ANKS1B: variants seen among roughly 807,000 people sequenced by gnomAD.
ANKS1B encodes the protein ankyrin repeat and sterile alpha motif domain-containing protein 1B.
ANKS1B carries 36 observed loss-of-function variants against 148.3 expected under a neutral mutation model. The observed-to-expected ratio is 0.24, with a 90% CI of 0.19 to 0.32. The LOEUF (loss-of-function observed/expected upper bound fraction) is 0.32. Among genes scored for constraint, ANKS1B ranks in the 10% least tolerant of loss-of-function variants. ANKS1B has a pLI of 1.00. For missense variants in ANKS1B, 1,157 were observed against 1,542.6 expected, an observed-to-expected ratio of 0.75 and a Z score of 4.19; for synonymous variants, 542 against 560.8, an observed-to-expected ratio of 0.97 and a Z score of 0.47.
rs183609717 is a variant in ANKS1B, at chr12:99,540,103, A to G, written c.1273-35462T>C. On this transcript the variant is annotated intron_variant, in intron 9 of 26. Transcript: ENST00000683438. ...TTTTATAAAGATAAAACAGTCAGTC[A>G]GGAAGACACAACAAGCATAAACATA... Among the ~76,000 whole-genome samples the G allele has an allele frequency of 9.2e-5, 14 of 152,332 alleles. No homozygotes were observed. The East Asian group carries it at 2.3e-3, about 25-fold the overall frequency.
chr12:99,089,889 T>C (rs182753278), intron 15 of ANKS1B, among the ~76,000 whole-genome samples: 10 of 152,178 alleles, frequency 6.6e-5, no homozygotes, highest in African/African-American at 2.2e-4. Flanking sequence ...AATCAATAAA[T>C]AAAGTTGTTT....
intron 8 of ANKS1B, among the ~76,000 whole-genome samples, chr12:99,711,892 C>G (rs1386605307): frequency 6.6e-6 from 1 of 152,140 alleles, no homozygotes; most frequent in Non-Finnish European, 1.5e-5. Context: ...AAGACATGCA[C>G]ACATGTGTTC....
At chr12:99,447,612 G>A (rs1321351244) in intron 10 of ANKS1B, among the ~76,000 whole-genome samples, 1 of 152,014 alleles carries the variant, frequency 6.6e-6, no homozygotes, top group African/African-American at 2.4e-5. Flanking sequence ...ATGGGATTAT[G>A]TCAAACTAAA....
chr12:99,514,200 T>A (rs1189542783), intron 9 of ANKS1B, among the ~76,000 whole-genome samples: 2 of 152,068 alleles, frequency 1.3e-5, no homozygotes. Flanking sequence ...ATGTTCATAG[T>A]AGGACTCTAT....
At chr12:98,977,424 C>T (rs938133089) in intron 17 of ANKS1B, among the ~76,000 whole-genome samples, 1 of 152,122 alleles carries the variant, frequency 6.6e-6, no homozygotes, top group Admixed American at 6.5e-5. Flanking sequence ...GATTCCAGAA[C>T]GTTTAAATTT....
At position 98,880,997 on chromosome 12, in the gene ANKS1B, GT is replaced by G. The variant is rs202209050; in HGVS notation, c.2779-48862del. Among the ~76,000 whole-genome samples the G allele has an allele frequency of 9.9e-3, 1,496 of 150,684 alleles. 24 individuals are homozygous for G. The highest frequency in any genetic ancestry group is 0.035 in the African/African-American group (1,411 of 40,612). The stretch of plus-strand genomic sequence containing the variant: ...ACTGCTTTAATTCCCTGCTTGGAAA[GT>G]TTTTTTTAAAAAAAATTTTTTAATG... On this transcript the variant is annotated intron_variant, in intron 17 of 26. Coordinates refer to ENST00000683438, the MANE Select transcript of ANKS1B (RefSeq NM_001352186.2).
At chr12:99,346,060 A>G (rs1047461377) in intron 12 of ANKS1B, among the ~76,000 whole-genome samples, 5 of 151,872 alleles carry the variant, frequency 3.3e-5, no homozygotes, top group Admixed American at 2.0e-4. Context: ...TTTTCCTACT[A>G]ATTTCGATGC....
At chr12:99,796,419 G>C (rs1190644410) in intron 4 of ANKS1B, among the ~76,000 whole-genome samples, 1 of 151,854 alleles carries the variant, frequency 6.6e-6, no homozygotes, top group South Asian at 2.1e-4. Flanking sequence ...AGGGGTAGGG[G>C]GAACTATTAT....
intron 1 of ANKS1B, among the ~76,000 whole-genome samples, chr12:99,956,857 T>G (rs2095331782): frequency 6.6e-6 from 1 of 152,226 alleles, no homozygotes; most frequent in Admixed American, 6.5e-5. Context: ...CCAATTGACA[T>G]AGCAGAAAGC....
intron 1 of ANKS1B, among the ~76,000 whole-genome samples, chr12:99,932,528 A>C (rs2094647303): frequency 6.6e-6 from 1 of 152,136 alleles, no homozygotes; most frequent in Admixed American, 6.5e-5. Context: ...ATGATCAGTG[A>C]TGTTGAACAT....
At chr12:99,931,354 TA>T (rs540098411) in intron 1 of ANKS1B, among the ~76,000 whole-genome samples, 1 of 150,498 alleles carries the variant, frequency 6.6e-6, no homozygotes, top group Non-Finnish European at 1.5e-5. Context: ...TAATAAAATT[TA>T]AAAAAAAAGA....
intron 9 of ANKS1B, among the ~76,000 whole-genome samples, chr12:99,524,726 T>A (rs186295038): frequency 6.4e-4 from 97 of 152,288 alleles, no homozygotes; most frequent in African/African-American, 2.3e-3. Flanking sequence ...ACGTCTTACA[T>A]GGCAGCAGGC....
At chr12:99,064,826 G>C (rs984472479) in intron 16 of ANKS1B, among the ~76,000 whole-genome samples, 39 of 152,126 alleles carry the variant, frequency 2.6e-4, no homozygotes, top group African/African-American at 9.2e-4. Flanking sequence ...TGGTTTTGTT[G>C]TACCTCTCCC....
chr12:99,983,054 G>C (rs1197106349), intron 1 of ANKS1B, among the ~76,000 whole-genome samples: 1 of 152,156 alleles, frequency 6.6e-6, no homozygotes, highest in African/African-American at 2.4e-5. Flanking sequence ...TAAAAAACCA[G>C]GGAAATCACT....
In ANKS1B at chr12:99,917,160, T is replaced by C. The variant is rs943428226; in HGVS notation, c.134+66944A>G. On this transcript the variant is annotated intron_variant, in intron 1 of 26. Coordinates refer to ENST00000683438, the MANE Select transcript of ANKS1B (RefSeq NM_001352186.2). The stretch of plus-strand genomic sequence containing the variant: ...GGGCAGGGGCTAGTGGTTCTGCTAA[T>C]TGATCAGATGCCTGGAAGAAGCAAT... Among the ~76,000 whole-genome samples the C allele has an allele frequency of 1.8e-4, 27 of 152,210 alleles. 1 individual carries two copies. The highest frequency in any genetic ancestry group is 3.5e-4 in the Non-Finnish European group (24 of 68,030).
intron 8 of ANKS1B, among the ~76,000 whole-genome samples, chr12:99,737,467 C>G (rs1735906897): frequency 6.6e-6 from 1 of 152,058 alleles, no homozygotes; most frequent in Admixed American, 6.5e-5. Flanking sequence ...TTTTCTCACT[C>G]ATATGTAGGA....
At chr12:99,223,555 G>A (rs1326476157) in intron 14 of ANKS1B, among the ~76,000 whole-genome samples, 2 of 151,954 alleles carry the variant, frequency 1.3e-5, no homozygotes, top group African/African-American at 2.4e-5. Flanking sequence ...AAAAAGGTTC[G>A]CACTCCTATG....
chr12:99,389,681 C>T (rs1426977858), intron 12 of ANKS1B, among the ~76,000 whole-genome samples: 1 of 151,972 alleles, frequency 6.6e-6, no homozygotes, highest in African/African-American at 2.4e-5. Context: ...AAGATATATA[C>T]AGCAATAAAT....
At chr12:98,891,374 GAA>G (rs112777812) in intron 17 of ANKS1B, among the ~76,000 whole-genome samples, 1 of 143,472 alleles carries the variant, frequency 7.0e-6, no homozygotes, top group African/African-American at 2.6e-5. Context: ...ATTTTTTAAA[GAA>G]AAAAAAAAGA....
Sources: allele counts gnomAD v4.1 joint callset (sites outside exome capture counted in the v4.1 genomes callset), GRCh38; gene constraint gnomAD v4.1.1; transcripts MANE v1.5; gene names NCBI Gene and HGNC (gene_info 2026-07-23, HGNC 2026-07-21).